Variants in DYDC2 observed in about 807,000 individuals in gnomAD.
DYDC2 encodes DPY30 domain-containing protein 2.
DYDC2 carries 19 observed loss-of-function variants against 18.7 expected under a neutral mutation model. That is an observed-to-expected ratio of 1.02 (90% CI 0.71 to 1.49). The LOEUF (loss-of-function observed/expected upper bound fraction) is 1.49, where lower values mean the gene tolerates loss of function less well. Ranked by LOEUF, DYDC2 falls within the 40% of genes most tolerant of loss-of-function variation. The pLI is 0.00. For missense variants in DYDC2, 179 were observed against 205.1 expected (o/e 0.87, Z 0.78); for synonymous variants, 63 against 67.6 (o/e 0.93, Z 0.34).
chr10:80,353,802 T>C (rs1458808786), upstream of DYDC2, among the ~76,000 whole-genome samples: 1 of 152,092 alleles, frequency 6.6e-6, no homozygotes, highest in African/African-American at 2.4e-5. Context: ...AGACCCACAT[T>C]ACTTGGCATC....
chr10:80,358,915 C>T (rs980206403), intron 2 of DYDC2, among the ~76,000 whole-genome samples: 6 of 152,156 alleles, frequency 3.9e-5, no homozygotes, highest in African/African-American at 1.2e-4. Context: ...TTGCTGGTCT[C>T]CCTTCAGAAG....
At position 80,357,941 on chromosome 10, in the gene DYDC2, C is replaced by T; in HGVS notation, c.-114C>T. 2.0e-6 allele frequency: 2 copies of T among 984,738 alleles called. No individual in the cohort carries two copies. The highest frequency in any genetic ancestry group is 2.4e-6 in the Non-Finnish European group (2 of 829,368). 61.0% of individuals were successfully genotyped at this position (984,738 alleles called of 1,614,324 possible). A position where few individuals can be genotyped will look rare whatever the true frequency, so the allele number is the denominator to read the frequency against. The stretch of plus-strand genomic sequence containing the variant: ...GCGGTATACAGTAAACAAAGACAAC[C>T]CCTATTCTTATCACCTTGCCTACTG... On this transcript the variant is annotated 5_prime_UTR_variant, in exon 2 of 5. Coordinates refer to ENST00000256039, the MANE Select transcript of DYDC2 (RefSeq NM_032372.6).
rs1843881032 is a variant in DYDC2 at position 80,367,723 on chromosome 10, C to T, written c.*772C>T. 1 of 152,158 alleles carries T rather than the reference C, an allele frequency of 6.6e-6. No homozygotes were observed. The highest frequency in any genetic ancestry group is 2.1e-4 in the South Asian group (1 of 4,816). The allele number at this position is 152,158 out of a possible 1,614,324, so 9.4% of individuals were successfully genotyped here. A position where few individuals can be genotyped will look rare whatever the true frequency, so the allele number is the denominator to read the frequency against. On this transcript the variant is annotated 3_prime_UTR_variant, in exon 5 of 5. Coordinates refer to ENST00000256039, the MANE Select transcript of DYDC2 (RefSeq NM_032372.6). ...CTCTCCGAGTATTTTTTACACATAT[C>T]CTGGAGTCTACCTATGTCACTGATA...
intron 4 of DYDC2, 123 bp downstream of exon 4, chr10:80,363,196 T>C: frequency 1.1e-6 from 1 of 944,082 alleles, no homozygotes; most frequent in Non-Finnish European, 1.5e-6. Flanking sequence ...TGATTTTCAA[T>C]ATATGTGCAA....
chr10:80,352,600 A>T (rs1235768504), upstream of DYDC2: 3 of 1,597,986 alleles, frequency 1.9e-6, no homozygotes, highest in Non-Finnish European at 2.6e-6. Flanking sequence ...TATTGACTCC[A>T]TTTCTAACTC....
chr10:80,348,029 G>T (rs1241011169), intron 1 of DYDC2, among the ~76,000 whole-genome samples: 2 of 152,132 alleles, frequency 1.3e-5, no homozygotes, highest in African/African-American at 4.8e-5. Context: ...AGATGAATCT[G>T]CAGATTACTT....
At position 80,351,306 on chromosome 10, in the gene DYDC2, C is replaced by T. The variant is rs963843006; in HGVS notation, c.-309-4991C>T. Among the ~76,000 whole-genome samples the T allele has an allele frequency of 3.9e-5, 6 of 152,268 alleles. No homozygotes were observed. In the South Asian group the frequency reaches 1.2e-3, roughly 32 times the overall value. ...CCCAACCTATGATCCAGGCCCATTTCCTCTCATCTCCATGGTGAGCTGACC... is the reference window on the plus strand; with the variant it reads ...CCCAACCTATGATCCAGGCCCATTTTCTCTCATCTCCATGGTGAGCTGACC... On this transcript the variant is annotated intron_variant, in intron 1 of 4. Transcript: ENST00000372197.
At chr10:80,358,105 G>C (rs776153158) in intron 2 of DYDC2, 60 bp downstream of exon 2, 6 of 976,980 alleles carry the variant, frequency 6.1e-6, no homozygotes, top group Non-Finnish European at 7.3e-6. Context: ...GGCCAGGCGC[G>C]GTGGCTCACC....
At chr10:80,353,438 A>T (rs1843128014), upstream of DYDC2, among the ~76,000 whole-genome samples, 1 of 149,750 alleles carries the variant, frequency 6.7e-6, no homozygotes, top group African/African-American at 2.5e-5. Context: ...CTGGGATTAC[A>T]GGCGTGAGCC....
upstream of DYDC2, chr10:80,356,696 T>C: frequency 1.0e-6 from 1 of 984,580 alleles, no homozygotes; most frequent in Non-Finnish European, 1.2e-6. Context: ...AGTTCGGGCC[T>C]TTCCGGTGCG....
At chr10:80,356,117 G>A (rs1843353612), upstream of DYDC2, 3 of 424,646 alleles carry the variant, frequency 7.1e-6, no homozygotes, top group Non-Finnish European at 9.5e-6. Flanking sequence ...CAGGTCAGGG[G>A]AGGCTCTGTC....
intron 2 of DYDC2, among the ~76,000 whole-genome samples, chr10:80,360,763 CTTTT>C (rs3038615): frequency 7.2e-6 from 1 of 139,694 alleles, no homozygotes. Context: ...TTCTTTCTTT[CTTTT>C]TTTTTTTTTT....
At chr10:80,362,691 T>C (rs993266652) in intron 3 of DYDC2, 101 bp downstream of exon 3, 80 of 1,492,598 alleles carry the variant, frequency 5.4e-5, no homozygotes, top group Non-Finnish European at 7.0e-5. Flanking sequence ...GGGGAATTTC[T>C]TGGTTTATTT....
At chr10:80,356,721 C>A (rs898512016), upstream of DYDC2, 29 of 984,994 alleles carry the variant, frequency 2.9e-5, no homozygotes, top group Non-Finnish European at 3.5e-5. Flanking sequence ...CCCCTACACA[C>A]GCGCCTGCTC....
intron 1 of DYDC2, 38 bp downstream of exon 1, chr10:80,356,863 C>A (rs945105956): frequency 2.0e-6 from 2 of 983,514 alleles, no homozygotes; most frequent in Non-Finnish European, 2.4e-6. Context: ...GAAGGGGGAA[C>A]GCGCAGCAGA....
At chr10:80,359,769 G>C (rs534277691) in intron 2 of DYDC2, among the ~76,000 whole-genome samples, 2 of 152,312 alleles carry the variant, frequency 1.3e-5, no homozygotes, top group South Asian at 4.1e-4. Flanking sequence ...CTGCAGTGCT[G>C]GCCGGCTGAT....
chr10:80,358,930 G>A (rs1054091685), intron 2 of DYDC2, among the ~76,000 whole-genome samples: 9 of 152,188 alleles, frequency 5.9e-5, no homozygotes, highest in Non-Finnish European at 1.2e-4. Context: ...CAGAAGTGAA[G>A]CTGCAGACCT....
At chr10:80,358,287 G>A (rs982520995) in intron 2 of DYDC2, among the ~76,000 whole-genome samples, 5 of 152,088 alleles carry the variant, frequency 3.3e-5, no homozygotes, top group South Asian at 2.1e-4. Flanking sequence ...CTGAGACAGC[G>A]GAATTGCTTG....
At chr10:80,352,559 T>G, upstream of DYDC2, 1 of 1,613,560 alleles carries the variant, frequency 6.2e-7, no homozygotes, top group Non-Finnish European at 8.5e-7. Flanking sequence ...AGACCTTGAG[T>G]TAAACAGGCC....
Sources: allele counts gnomAD v4.1 joint callset (sites outside exome capture counted in the v4.1 genomes callset), GRCh38; gene constraint gnomAD v4.1.1; transcripts MANE v1.5; gene names NCBI Gene and HGNC (gene_info 2026-07-23, HGNC 2026-07-21).